The following SNX18 variants were observed in gnomAD, a reference collection of about 807,000 sequenced individuals.
The protein encoded by SNX18 is sorting nexin-18.
Under a neutral mutation model 48.7 loss-of-function variants are expected in SNX18, and 35 were observed. The observed-to-expected ratio is 0.72, with a 90% CI of 0.55 to 0.95. The LOEUF (loss-of-function observed/expected upper bound fraction) is 0.95, where lower values mean the gene tolerates loss of function less well. Among genes scored for constraint, SNX18 ranks in the 40% least tolerant of loss-of-function variants. The pLI, the probability that SNX18 is intolerant of heterozygous loss-of-function variation, is 0.00. For missense variants in SNX18, 824 were observed against 871.0 expected, an observed-to-expected ratio of 0.95 and a Z score of 0.68; for synonymous variants, 492 against 384.7, an observed-to-expected ratio of 1.28 and a Z score of -3.26.
intron 1 of SNX18, among the ~76,000 whole-genome samples, chr5:54,540,972 G>C (rs761739872): frequency 6.6e-6 from 1 of 152,070 alleles, no homozygotes; most frequent in East Asian, 1.9e-4. Context: ...CAGTCTTTCT[G>C]AATTTTTTTT....
intron 1 of SNX18, among the ~76,000 whole-genome samples, chr5:54,522,087 G>C (rs1762043069): frequency 6.6e-6 from 1 of 152,162 alleles, no homozygotes; most frequent in Non-Finnish European, 1.5e-5. Context: ...CTGTGTCCCT[G>C]GATGACACAT....
chr5:54,522,310 A>G (rs556619497), intron 1 of SNX18, among the ~76,000 whole-genome samples: 59 of 152,162 alleles, frequency 3.9e-4, no homozygotes, highest in African/African-American at 1.4e-3. Context: ...CCCAACCCCA[A>G]CTGTTACACA....
At chr5:54,533,729 A>G (rs1399097117) in intron 1 of SNX18, among the ~76,000 whole-genome samples, 1 of 152,256 alleles carries the variant, frequency 6.6e-6, no homozygotes, top group Non-Finnish European at 1.5e-5. Flanking sequence ...TGCACAGTGC[A>G]GGCGCTTCTC....
intron 1 of SNX18, among the ~76,000 whole-genome samples, chr5:54,522,682 C>T (rs1487655270): frequency 2.0e-5 from 3 of 152,072 alleles, no homozygotes; most frequent in Admixed American, 1.3e-4. Context: ...CTTTATGTCC[C>T]ATTCAGAAAA....
the SNX18 span, among the ~76,000 whole-genome samples, chr5:54,560,483 G>A: frequency 1.6e-4 from 24 of 152,240 alleles, no homozygotes; most frequent in South Asian, 1.4e-3. Context: ...AAGGGTGGAG[G>A]GTGGGAGGAG....
intron 1 of SNX18, among the ~76,000 whole-genome samples, chr5:54,530,743 A>ATTTTTTTTTTT: frequency 3.4e-5 from 2 of 58,098 alleles, no homozygotes; most frequent in African/African-American, 1.3e-4. Context: ...GAACCACAGA[A>ATTTTTTTTTTT]ATTTTTTTTT....
At chr5:54,615,286 A>G in the SNX18 span, among the ~76,000 whole-genome samples, 1 of 152,210 alleles carries the variant, frequency 6.6e-6, no homozygotes, top group East Asian at 1.9e-4. Context: ...TCTAGTTCCC[A>G]GCTACAATTC....
At chr5:54,556,083 A>G in the SNX18 span, among the ~76,000 whole-genome samples, 10 of 152,182 alleles carry the variant, frequency 6.6e-5, no homozygotes, top group Non-Finnish European at 1.3e-4. Context: ...TTCAACATCC[A>G]TAGTACTAAC....
At chr5:54,533,934 T>C (rs55801275) in intron 1 of SNX18, among the ~76,000 whole-genome samples, 81,142 of 151,658 alleles carry the variant, frequency 0.54, 21,773 homozygotes, top group Non-Finnish European at 0.56. Flanking sequence ...TAATGGGGAG[T>C]TAGTAGGGAA....
At chr5:54,637,930 C>G in the SNX18 span, among the ~76,000 whole-genome samples, 1 of 152,188 alleles carries the variant, frequency 6.6e-6, no homozygotes, top group Non-Finnish European at 1.5e-5. Context: ...GAAACCCGGG[C>G]TGCTCTCCAG....
At chr5:54,620,103 GT>G in the SNX18 span, among the ~76,000 whole-genome samples, 3 of 152,222 alleles carry the variant, frequency 2.0e-5, no homozygotes, top group South Asian at 6.2e-4. Context: ...TTGTCCTTCA[GT>G]TTTTCACCTC....
At chr5:54,577,562 A>G in the SNX18 span, among the ~76,000 whole-genome samples, 2 of 152,090 alleles carry the variant, frequency 1.3e-5, no homozygotes, top group Non-Finnish European at 2.9e-5. Context: ...GCCCACAGTC[A>G]CATAGCTGGT....
intron 1 of SNX18, among the ~76,000 whole-genome samples, chr5:54,526,631 A>G (rs1762135992): frequency 6.6e-6 from 1 of 152,218 alleles, no homozygotes; most frequent in African/African-American, 2.4e-5. Context: ...GATTTTATTC[A>G]ACAAATACGT....
At chr5:54,619,996 C>T in the SNX18 span, among the ~76,000 whole-genome samples, 30,353 of 152,014 alleles carry the variant, frequency 0.2, 3,350 homozygotes, top group East Asian at 0.33. Flanking sequence ...TGGGAACAAA[C>T]GGAAGGCGGT....
At chr5:54,646,472 G>A in the SNX18 span, among the ~76,000 whole-genome samples, 11 of 152,340 alleles carry the variant, frequency 7.2e-5, no homozygotes, top group East Asian at 2.1e-3. Flanking sequence ...GTTGCCCTGC[G>A]TTAGCCGCAT....
chr5:54,615,468 TC>T, the SNX18 span, among the ~76,000 whole-genome samples: 7 of 152,352 alleles, frequency 4.6e-5, no homozygotes, highest in African/African-American at 1.4e-4. Flanking sequence ...GTAAGGATGT[TC>T]TACCCTTGCC....
At chr5:54,553,443 A>AG in the SNX18 span, among the ~76,000 whole-genome samples, 1 of 152,156 alleles carries the variant, frequency 6.6e-6, no homozygotes, top group Non-Finnish European at 1.5e-5. Flanking sequence ...GCACAGCAAC[A>AG]GGTCCCTCCT....
At chr5:54,591,314 G>A in the SNX18 span, among the ~76,000 whole-genome samples, 1 of 152,040 alleles carries the variant, frequency 6.6e-6, no homozygotes, top group Non-Finnish European at 1.5e-5. Flanking sequence ...AGAGTAGCTG[G>A]GACTACAGGC....
In SNX18 at chr5:54,519,766, A is replaced by G. The variant is rs747998734; in HGVS notation, c.1621+193A>G. The G allele has an allele frequency of 9.9e-6, 16 of 1,614,040 alleles. No homozygotes were observed. Among genetic ancestry groups the G allele is most frequent in the African/African-American group, 2.7e-5 (2 of 74,912 alleles). ...TCGACAGGCAGCTTCCTCCTCGAGTATCTTGCATTAGGGAATGAGTACTCT... is the reference window on the plus strand; with the variant it reads ...TCGACAGGCAGCTTCCTCCTCGAGTGTCTTGCATTAGGGAATGAGTACTCT... On this transcript the variant is annotated intron_variant, in intron 1 of 1. Coordinates refer to ENST00000381410, the MANE Select transcript of SNX18 (RefSeq NM_001102575.2).
Sources: gnomAD v4.1 joint callset for allele counts (sites outside exome capture counted in the v4.1 genomes callset) on GRCh38, gnomAD v4.1.1 for gene constraint, MANE v1.5 for transcripts, NCBI Gene and HGNC (gene_info 2026-07-23, HGNC 2026-07-21) for gene names.